Variants in WDPCP observed in about 807,000 individuals in gnomAD.
WDPCP encodes WD repeat containing planar cell polarity effector.
A neutral mutation model predicts 93.1 loss-of-function variants in WDPCP; 71 were observed. That is an observed-to-expected ratio of 0.76 (90% CI 0.63 to 0.93). WDPCP has a LOEUF of 0.93. WDPCP is among the 40% of genes least tolerant of loss of function. The pLI is 0.00. For synonymous variants in WDPCP, 315 were observed against 315.0 expected, an observed-to-expected ratio of 1.00 and a Z score of 0.00; for missense variants, 844 against 887.4, an observed-to-expected ratio of 0.95 and a Z score of 0.62.
At chr2:63,570,359 G>A (rs1384569235) in intron 1 of WDPCP, among the ~76,000 whole-genome samples, 1 of 152,156 alleles carries the variant, frequency 6.6e-6, no homozygotes, top group Non-Finnish European at 1.5e-5. Context: ...GGATGTTTAT[G>A]TCCTTCCCCA....
chr2:63,294,405 G>A (rs926211444), intron 13 of WDPCP, among the ~76,000 whole-genome samples: 7 of 151,878 alleles, frequency 4.6e-5, no homozygotes, highest in Non-Finnish European at 8.8e-5. Flanking sequence ...AGCTACTTGG[G>A]AGGCTGAGGG....
chr2:63,462,105 G>A (rs1037446216), intron 6 of WDPCP, among the ~76,000 whole-genome samples: 2 of 152,198 alleles, frequency 1.3e-5, no homozygotes, highest in African/African-American at 4.8e-5. Context: ...CAACCCAAAT[G>A]TCCATCAATG....
intron 13 of WDPCP, among the ~76,000 whole-genome samples, chr2:63,265,127 C>T (rs938322507): frequency 6.6e-6 from 1 of 151,964 alleles, no homozygotes; most frequent in Non-Finnish European, 1.5e-5. Flanking sequence ...TCTAACATTA[C>T]ACCTCAAGGA....
intron 14 of WDPCP, among the ~76,000 whole-genome samples, chr2:63,217,024 G>T (rs190179741): frequency 6.6e-6 from 1 of 152,102 alleles, no homozygotes; most frequent in African/African-American, 2.4e-5. Flanking sequence ...TCAGTGATAC[G>T]TTTTTCCTTT....
chr2:63,690,627 T>G (rs1305902878), intron 2 of WDPCP, among the ~76,000 whole-genome samples: 1 of 151,844 alleles, frequency 6.6e-6, no homozygotes, highest in Non-Finnish European at 1.5e-5. Flanking sequence ...GGTGGGGGCA[T>G]GCTTATAGGA....
chr2:63,746,032 G>C (rs1669792015), intron 2 of WDPCP, among the ~76,000 whole-genome samples: 1 of 152,148 alleles, frequency 6.6e-6, no homozygotes, highest in Non-Finnish European at 1.5e-5. Context: ...TGGGCCATTT[G>C]AGTTTCTTCT....
At chr2:63,370,083 A>G (rs1192458302) in intron 12 of WDPCP, among the ~76,000 whole-genome samples, 1 of 152,184 alleles carries the variant, frequency 6.6e-6, no homozygotes, top group African/African-American at 2.4e-5. Flanking sequence ...CGAGTTATTT[A>G]TACCTATATT....
Position 63,622,929 on chromosome 2 carries a change from C to G in WDPCP, n.488+27730G>C, listed in dbSNP as rs1709763144. Reference sequence around the variant, plus strand: ...GGCCAGGCCGGGGCTCGGCGCACACCTGCTGCCAGGCTCGTAGCTCAGTCA... The same window carrying G: ...GGCCAGGCCGGGGCTCGGCGCACACGTGCTGCCAGGCTCGTAGCTCAGTCA... On this transcript the variant is annotated intron_variant and non_coding_transcript_variant, in intron 3 of 4. Coordinates refer to the WDPCP transcript ENST00000467687. 13 of 1,017,298 alleles carry G rather than the reference C, an allele frequency of 1.3e-5. No individual in the cohort carries two copies. The South Asian group carries it at 1.7e-4, about 13-fold the overall frequency. The allele number at this position is 1,017,298 out of a possible 1,614,324, so 63.0% of individuals were successfully genotyped here.
At chr2:63,188,868 C>G (rs948479725) in intron 14 of WDPCP, among the ~76,000 whole-genome samples, 1 of 151,974 alleles carries the variant, frequency 6.6e-6, no homozygotes, top group Non-Finnish European at 1.5e-5. Context: ...TATGCCTTGT[C>G]GTCTTTTGTT....
At chr2:63,835,389 C>CAAAA in the WDPCP span, among the ~76,000 whole-genome samples, 17 of 42,110 alleles carry the variant, frequency 4.0e-4, no homozygotes, top group East Asian at 1.3e-3. Context: ...GACTCCATCT[C>CAAAA]AAAAAAAAAA....
chr2:63,541,564 T>C (rs1330679326), intron 1 of WDPCP, among the ~76,000 whole-genome samples: 1 of 152,188 alleles, frequency 6.6e-6, no homozygotes, highest in Non-Finnish European at 1.5e-5. Context: ...TATTGAAGTA[T>C]ATAGCAAATG....
chr2:63,263,122 A>T (rs1575009139), intron 13 of WDPCP, among the ~76,000 whole-genome samples: 1 of 152,190 alleles, frequency 6.6e-6, no homozygotes, highest in Non-Finnish European at 1.5e-5. Context: ...TGACAGAGTT[A>T]ATTAAGCTTT....
At chr2:63,412,300 A>G (rs967229431) in intron 9 of WDPCP, among the ~76,000 whole-genome samples, 1 of 152,172 alleles carries the variant, frequency 6.6e-6, no homozygotes, top group Non-Finnish European at 1.5e-5. Flanking sequence ...CTCAATAGAT[A>G]CAGAAAAAGC....
At chr2:63,792,211 T>C (rs1219340488) in intron 2 of WDPCP, among the ~76,000 whole-genome samples, 1 of 152,156 alleles carries the variant, frequency 6.6e-6, no homozygotes, top group Non-Finnish European at 1.5e-5. Context: ...TTTAATTGAG[T>C]CACAGTTCCA....
chr2:63,361,098 G>A (rs911687268), intron 12 of WDPCP, among the ~76,000 whole-genome samples: 1 of 152,188 alleles, frequency 6.6e-6, no homozygotes, highest in Non-Finnish European at 1.5e-5. Flanking sequence ...TGGAAGAAAG[G>A]AGAAGGACCA....
At chr2:63,736,251 TC>T (rs1487763837) in intron 2 of WDPCP, among the ~76,000 whole-genome samples, 2 of 152,182 alleles carry the variant, frequency 1.3e-5, no homozygotes, top group African/African-American at 2.4e-5. Flanking sequence ...CTCTTTTAGT[TC>T]ACATGGGCTT....
rs557213834 is a variant in WDPCP, at chr2:63,588,239, G to A, written c.33C>T (p.Ser11=). 67 of 1,578,364 alleles carry A rather than the reference G, an allele frequency of 4.2e-5. No individual in the cohort carries two copies. Among genetic ancestry groups the A allele is most frequent in the Admixed American group, 7.0e-5 (4 of 57,316 alleles). ...AAGAAGCGCGACTCCCGGCCGCTTT[G>A]GAGTAGGCGTCCCAGCAAAACTCTC... is the stretch of plus-strand genomic sequence containing the variant. MRREFCWDAY[S]KAAGSRASSP... is the part of the protein sequence containing the mutation. Residue 11 remains serine (S), a synonymous_variant, in exon 1 of 18, where the codon TCC becomes TCT. Transcript: ENST00000272321.
At chr2:63,711,662 A>T in intron 2 of WDPCP, 1 of 152,298 alleles carries the variant, frequency 6.6e-6, no homozygotes, top group Non-Finnish European at 1.5e-5. Flanking sequence ...TTGGGAGGCT[A>T]AAGGGGGAAG....
At chr2:63,511,826 A>T (rs892634970) in intron 1 of WDPCP, among the ~76,000 whole-genome samples, 1 of 152,236 alleles carries the variant, frequency 6.6e-6, no homozygotes, top group Non-Finnish European at 1.5e-5. Flanking sequence ...ACCATTCAGG[A>T]CATAGGCATG....
Sources: gnomAD v4.1 joint callset for allele counts (sites outside exome capture counted in the v4.1 genomes callset) on GRCh38, gnomAD v4.1.1 for gene constraint, MANE v1.5 for transcripts, NCBI Gene and HGNC (gene_info 2026-07-23, HGNC 2026-07-21) for gene names.